The following PCBP3 variants were observed in gnomAD, a reference collection of about 807,000 sequenced individuals.
PCBP3 encodes poly(rC) binding protein 3.
In PCBP3, 25 loss-of-function variants were observed where a neutral mutation model predicts 52.7. That is an observed-to-expected ratio of 0.47 (90% CI 0.35 to 0.66). PCBP3 has a LOEUF of 0.66. PCBP3 is among the 30% of genes least tolerant of loss of function. PCBP3 has a pLI of 0.01. For synonymous variants in PCBP3, 162 were observed against 183.0 expected (o/e 0.89, Z 0.93); for missense variants, 391 against 490.3 (o/e 0.80, Z 1.91).
rs188312016 is a variant in PCBP3 at position 45,935,639 on chromosome 21, G to A, written c.909+334G>A. 2.5e-5 allele frequency: 11 copies of A among 432,550 alleles called. 1 individual carries two copies. The highest frequency in any genetic ancestry group is 2.2e-4 in the African/African-American group (11 of 49,646). The allele number at this position is 432,550 out of a possible 1,614,324, so 26.8% of individuals were successfully genotyped here. On this transcript the variant is annotated intron_variant, in intron 16 of 17. Transcript: ENST00000681687. ...GTGCGGGCCAAACCTTGAAGAACAAGGTGGCCCAGGAATGCTCTAGAGTGG... is the reference window on the plus strand; with the variant it reads ...GTGCGGGCCAAACCTTGAAGAACAAAGTGGCCCAGGAATGCTCTAGAGTGG...
intron 2 of PCBP3, among the ~76,000 whole-genome samples, chr21:45,695,977 G>T (rs1223341402): frequency 6.6e-6 from 1 of 150,690 alleles, no homozygotes; most frequent in Non-Finnish European, 1.5e-5. Context: ...CACTCAGGAG[G>T]CTGAGGCAGG....
At position 45,748,338 on chromosome 21, in the gene PCBP3, A is replaced by G. The variant is rs150291586; in HGVS notation, c.-161-7079A>G. On this transcript the variant is annotated intron_variant, in intron 3 of 17. Transcript: ENST00000681687. ...GCTTACTTCATTCTGTGTAGGGTTC[A>G]TGCCTTTGCGCCATAGGCCCTGTGT... Among the ~76,000 whole-genome samples the G allele has an allele frequency of 1.4e-3, 217 of 152,284 alleles. 1 individual carries two copies. The highest frequency in any genetic ancestry group is 5.4e-4 in the Non-Finnish European group (37 of 68,018).
intron 9 of PCBP3, among the ~76,000 whole-genome samples, chr21:45,903,964 G>C (rs2096132831): frequency 1.3e-5 from 2 of 152,312 alleles, no homozygotes. Context: ...ATTCCTTGGA[G>C]TTTCACTGCT....
chr21:45,776,329 G>T (rs2090249275), intron 4 of PCBP3, among the ~76,000 whole-genome samples: 4 of 152,112 alleles, frequency 2.6e-5, no homozygotes, highest in Non-Finnish European at 4.4e-5. Flanking sequence ...TTGGTCTGAA[G>T]TCCAATTTAA....
At chr21:45,854,867 G>T (rs780008574) in intron 5 of PCBP3, among the ~76,000 whole-genome samples, 13 of 152,212 alleles carry the variant, frequency 8.5e-5, no homozygotes, top group Admixed American at 3.9e-4. Flanking sequence ...CCTCTGCCCC[G>T]CGGAATGCAG....
At position 45,813,245 on chromosome 21, in the gene PCBP3, G is replaced by A. The variant is rs141405974; in HGVS notation, c.-125-36716G>A. On this transcript the variant is annotated intron_variant, in intron 4 of 17. Coordinates refer to ENST00000681687, the MANE Select transcript of PCBP3 (RefSeq NM_001384156.1). ...TATCTATCTGTGCGTAGTTTGAATAGCGTCTGTTGATCTGTAGTTCCCTGG... is the reference window on the plus strand; with the variant it reads ...TATCTATCTGTGCGTAGTTTGAATAACGTCTGTTGATCTGTAGTTCCCTGG... 2.5e-3 allele frequency among the ~76,000 whole-genome samples: 373 copies of A among 152,202 alleles called. 1 individual carries two copies. The highest frequency in any genetic ancestry group is 3.9e-3 in the Non-Finnish European group (264 of 68,024).
intron 16 of PCBP3, chr21:45,935,579 C>T (rs1603558296): frequency 1.1e-5 from 6 of 560,094 alleles, no homozygotes; most frequent in Admixed American, 9.0e-5. Flanking sequence ...GAGAGTTGGG[C>T]TGAGAACCTA....
chr21:45,669,844 T>C (rs944978447), intron 2 of PCBP3, among the ~76,000 whole-genome samples: 6 of 142,260 alleles, frequency 4.2e-5, no homozygotes, highest in Non-Finnish European at 6.1e-5. Flanking sequence ...TATATATATA[T>C]ATCACATTTT....
chr21:45,805,453 C>T lies in PCBP3; in HGVS notation c.-125-44508C>T, dbSNP rs992847942. Among the ~76,000 whole-genome samples, 1 of 152,104 alleles carries T rather than the reference C, an allele frequency of 6.6e-6. No individual in the cohort carries two copies. Among genetic ancestry groups the T allele is most frequent in the East Asian group, 1.9e-4 (1 of 5,164 alleles). ...ATGGGCAGCCCTTCCTTCTGGAGCC[C>T]CCTGTCTTCCCTTATCCACTGCCTC... On this transcript the variant is annotated intron_variant, in intron 4 of 17. Transcript: ENST00000681687. This position sits in a 1 kb window ranked among gnomAD's most constrained non-coding sequence, Gnocchi z 4.6.
In PCBP3 at chr21:45,867,065, A is replaced by G. The variant is rs2094763382; in HGVS notation, c.10+16970A>G. On this transcript the variant is annotated intron_variant, in intron 5 of 17. Transcript: ENST00000681687. ...AAAGACATCGGTCATTGAGGTATCT[A>G]TTCAAAAACACGGTTTAGTACTCTG... Among the ~76,000 whole-genome samples, 3 of 152,358 alleles carry G rather than the reference A, an allele frequency of 2.0e-5. No individual in the cohort carries two copies. In the South Asian group the frequency reaches 6.2e-4, roughly 32 times the overall value.
At chr21:45,911,989 C>A (rs545439274) in intron 11 of PCBP3, among the ~76,000 whole-genome samples, 1 of 152,236 alleles carries the variant, frequency 6.6e-6, no homozygotes, top group South Asian at 2.1e-4. Context: ...CCCTGCGGGC[C>A]GAGGCTCAGG....
At chr21:45,716,014 T>A (rs984340167) in intron 2 of PCBP3, among the ~76,000 whole-genome samples, 2 of 152,208 alleles carry the variant, frequency 1.3e-5, no homozygotes, top group Middle Eastern at 3.2e-3. Flanking sequence ...TTGCTTATAC[T>A]TTTGGTATCA....
rs1484030957 is a variant in PCBP3, at chr21:45,930,776, T to C, written c.797-10T>C. On this transcript the variant is annotated splice_polypyrimidine_tract_variant and intron_variant, in intron 14 of 17. Coordinates refer to ENST00000681687, the MANE Select transcript of PCBP3 (RefSeq NM_001384156.1). ...CAAAACATTAAACCTGTCTCTTCTTTGCTCTCCAGGAGAAAAGCTGCCTTT... is the reference window on the plus strand; with the variant it reads ...CAAAACATTAAACCTGTCTCTTCTTCGCTCTCCAGGAGAAAAGCTGCCTTT... 5.1e-6 allele frequency: 6 copies of C among 1,172,432 alleles called. No homozygotes were observed. Among genetic ancestry groups the C allele is most frequent in the Non-Finnish European group, 7.7e-6 (6 of 776,790 alleles). The allele number at this position is 1,172,432 out of a possible 1,614,324, so 72.6% of individuals were successfully genotyped here.
chr21:45,683,165 G>A (rs1355600350), intron 2 of PCBP3, among the ~76,000 whole-genome samples: 3 of 152,188 alleles, frequency 2.0e-5, no homozygotes, highest in African/African-American at 4.8e-5. Flanking sequence ...CCTGCTGATA[G>A]GTCAAATAAG....
chr21:45,867,891 A>G (rs2094811731), intron 5 of PCBP3, among the ~76,000 whole-genome samples: 1 of 152,280 alleles, frequency 6.6e-6, no homozygotes, highest in Non-Finnish European at 1.5e-5. Flanking sequence ...AGGAAGAGCG[A>G]TAGCTGGAAC....
chr21:45,820,722 G>A (rs1603443623), intron 4 of PCBP3, among the ~76,000 whole-genome samples: 1 of 152,186 alleles, frequency 6.6e-6, no homozygotes, highest in Non-Finnish European at 1.5e-5. Context: ...GGGACCTGGG[G>A]GATGACCATG....
chr21:45,933,111 A>G (rs1311455583), intron 15 of PCBP3, among the ~76,000 whole-genome samples: 2 of 146,674 alleles, frequency 1.4e-5, no homozygotes, highest in East Asian at 4.2e-4. Context: ...CGGCCATGCC[A>G]TCCTGAGATG....
intron 4 of PCBP3, among the ~76,000 whole-genome samples, chr21:45,838,667 C>A (rs2093639285): frequency 6.6e-6 from 1 of 151,894 alleles, no homozygotes; most frequent in African/African-American, 2.4e-5. Flanking sequence ...TTTGTTTTAG[C>A]CTAAGTAAAT....
chr21:45,803,063 A>G lies in PCBP3; in HGVS notation c.-125-46898A>G, dbSNP rs982593774. Among the ~76,000 whole-genome samples, 4 of 152,316 alleles carry G rather than the reference A, an allele frequency of 2.6e-5. No homozygotes were observed. In the East Asian group the frequency reaches 5.8e-4, roughly 22 times the overall value. ...GTGCAAACACTTGTTCTGATTCTTTATCTATTCGTTGGAAGTCAGTCACAA... is the reference window on the plus strand; with the variant it reads ...GTGCAAACACTTGTTCTGATTCTTTGTCTATTCGTTGGAAGTCAGTCACAA... On this transcript the variant is annotated intron_variant, in intron 4 of 17. Coordinates refer to ENST00000681687, the MANE Select transcript of PCBP3 (RefSeq NM_001384156.1).
Sources: allele counts gnomAD v4.1 joint callset (sites outside exome capture counted in the v4.1 genomes callset), GRCh38; gene constraint gnomAD v4.1.1; non-coding constraint Gnocchi (gnomAD v3.1); transcripts MANE v1.5; gene names NCBI Gene and HGNC (gene_info 2026-07-23, HGNC 2026-07-21).